Variants in PCBP3 observed in about 807,000 individuals in gnomAD.
PCBP3 encodes poly(rC)-binding protein 3.
In PCBP3, 25 loss-of-function variants were observed where a neutral mutation model predicts 52.7. That is an observed-to-expected ratio of 0.47 (90% CI 0.35 to 0.66). The LOEUF is 0.66. Ranked by LOEUF, PCBP3 falls within the 30% of genes least tolerant of loss-of-function variation. The probability of loss-of-function intolerance (pLI) is 0.01; values close to 1 mark genes in which losing one functional copy is unlikely to be tolerated. For synonymous variants in PCBP3, 162 were observed against 183.0 expected (o/e 0.89, Z 0.93); for missense variants, 391 against 490.3 (o/e 0.80, Z 1.91).
At chr21:45,771,623 T>G (rs945306945) in intron 4 of PCBP3, among the ~76,000 whole-genome samples, 1 of 152,140 alleles carries the variant, frequency 6.6e-6, no homozygotes, top group African/African-American at 2.4e-5. Flanking sequence ...CTCAGATGCA[T>G]GGTATTTATG....
chr21:45,722,006 C>A (rs2084681120), intron 2 of PCBP3, among the ~76,000 whole-genome samples: 1 of 152,130 alleles, frequency 6.6e-6, no homozygotes, highest in Non-Finnish European at 1.5e-5. Context: ...GTTCTTACGG[C>A]TTTATCTTCA....
At chr21:45,874,937 G>T (rs1383352365) in intron 5 of PCBP3, among the ~76,000 whole-genome samples, 2 of 152,182 alleles carry the variant, frequency 1.3e-5, no homozygotes, top group Non-Finnish European at 2.9e-5. Context: ...GAGCATGCAG[G>T]TCCCAAACCG....
rs1402864097 is a variant in PCBP3, at chr21:45,827,818, C to T, written c.-125-22143C>T. 1 of 152,210 alleles carries T rather than the reference C, an allele frequency of 6.6e-6. No individual in the cohort carries two copies. Among genetic ancestry groups the T allele is most frequent in the African/African-American group, 2.4e-5 (1 of 41,432 alleles). 9.4% of individuals were successfully genotyped at this position (152,210 alleles called of 1,614,324 possible). On this transcript the variant is annotated intron_variant, in intron 4 of 17. Transcript: ENST00000681687. The surrounding 1 kb of genome is among the most constrained non-coding windows in gnomAD (Gnocchi z 4.3). ...GGAGGAGTTGCCAGATTCATACCAA[C>T]AGGAGAAAGAAAATTTGGAACTAAC...
At chr21:45,824,039 G>A (rs940489026) in intron 4 of PCBP3, among the ~76,000 whole-genome samples, 2 of 152,172 alleles carry the variant, frequency 1.3e-5, no homozygotes, top group Non-Finnish European at 2.9e-5. Flanking sequence ...ACTAGGCTCG[G>A]CCTGTTTGTT....
chr21:45,854,406 C>T (rs1011051865), intron 5 of PCBP3, among the ~76,000 whole-genome samples: 1 of 152,164 alleles, frequency 6.6e-6, no homozygotes, highest in Non-Finnish European at 1.5e-5. Flanking sequence ...GAATCTCTGT[C>T]CCCATTAAAC....
In PCBP3 at chr21:45,881,942, A is replaced by G. The variant is rs538185829; in HGVS notation, c.11-14266A>G. On this transcript the variant is annotated intron_variant, in intron 5 of 17. Transcript: ENST00000681687. ...ATTTTCTTTATCCGTTCGTCTCTCT[A>G]TGAACACTTAGGCTGATTCCACCAT... 3.3e-5 allele frequency among the ~76,000 whole-genome samples: 5 copies of G among 152,258 alleles called. No homozygotes were observed. In the South Asian group the frequency reaches 8.3e-4, roughly 25 times the overall value.
At chr21:45,835,954 G>T (rs1037892278) in intron 4 of PCBP3, among the ~76,000 whole-genome samples, 1 of 152,174 alleles carries the variant, frequency 6.6e-6, no homozygotes, top group Non-Finnish European at 1.5e-5. Flanking sequence ...GTGGCCGCAG[G>T]CATGGTAACC....
rs2083347417 is a variant in PCBP3, at chr21:45,704,841, C to T, written c.-199-30551C>T. Among the ~76,000 whole-genome samples, 1 of 152,086 alleles carries T rather than the reference C, an allele frequency of 6.6e-6. No individual in the cohort carries two copies. Among genetic ancestry groups the T allele is most frequent in the African/African-American group, 2.4e-5 (1 of 41,358 alleles). On this transcript the variant is annotated intron_variant, in intron 2 of 17. Coordinates refer to ENST00000681687, the MANE Select transcript of PCBP3 (RefSeq NM_001384156.1). This position sits in a 1 kb window ranked among gnomAD's most constrained non-coding sequence, Gnocchi z 4.1. ...ACCTAGAGAGTGATGTGATACAGTG[C>T]AGGTAGACGACACAGGGCGCTGCTG...
intron 12 of PCBP3, 37 bp downstream of exon 12, chr21:45,914,062 C>T (rs780970417): frequency 1.2e-6 from 2 of 1,612,522 alleles, no homozygotes; most frequent in South Asian, 1.1e-5. Flanking sequence ...CACTGCCAAC[C>T]TCAGCCTTTT....
chr21:45,840,456 CA>C (rs36059363), intron 4 of PCBP3, among the ~76,000 whole-genome samples: 31,582 of 88,202 alleles, frequency 0.36, 3,493 homozygotes, highest in East Asian at 0.58. Context: ...GACCCTGTCT[CA>C]AAAAAAAAAA....
At chr21:45,897,057 C>T (rs948425092) in intron 6 of PCBP3, among the ~76,000 whole-genome samples, 3 of 152,242 alleles carry the variant, frequency 2.0e-5, no homozygotes, top group South Asian at 2.1e-4. Flanking sequence ...GGACATGGCA[C>T]GCAGAACCTG....
At chr21:45,654,649 A>G (rs1244446017) in intron 1 of PCBP3, among the ~76,000 whole-genome samples, 1 of 152,160 alleles carries the variant, frequency 6.6e-6, no homozygotes, top group Non-Finnish European at 1.5e-5. Flanking sequence ...AACATTACAT[A>G]TTTTTTAATC....
At chr21:45,710,723 G>T (rs1255657496) in intron 2 of PCBP3, among the ~76,000 whole-genome samples, 1 of 152,202 alleles carries the variant, frequency 6.6e-6, no homozygotes, top group Non-Finnish European at 1.5e-5. Context: ...CACTTAAAGG[G>T]TGGAGAGTTG....
chr21:45,930,694 C>T (rs2076067276), intron 14 of PCBP3, 92 bp from the exon 15 acceptor site: 6 of 670,558 alleles, frequency 8.9e-6, no homozygotes, highest in South Asian at 3.4e-5. Context: ...CCGGTGCGTG[C>T]GCCAGTCATA....
rs771222236 is a variant in PCBP3 at position 45,830,408 on chromosome 21, C to T, written c.-125-19553C>T. 6.5e-6 allele frequency: 1 copy of T among 152,868 alleles called. No homozygotes were observed. The highest frequency in any genetic ancestry group is 1.5e-5 in the Non-Finnish European group (1 of 68,136). 9.5% of individuals were successfully genotyped at this position (152,868 alleles called of 1,614,324 possible). On this transcript the variant is annotated intron_variant, in intron 4 of 17. Coordinates refer to ENST00000681687, the MANE Select transcript of PCBP3 (RefSeq NM_001384156.1). This position sits in a 1 kb window ranked among gnomAD's most constrained non-coding sequence, Gnocchi z 4.4. Reference sequence around the variant, plus strand: ...CCTTTCAGAGGCCTCTATAATGCGCCGAGCAGTTGTGTCACTGAACGTGAA... The same window carrying T: ...CCTTTCAGAGGCCTCTATAATGCGCTGAGCAGTTGTGTCACTGAACGTGAA...
intron 4 of PCBP3, among the ~76,000 whole-genome samples, chr21:45,816,956 T>C (rs899656940): frequency 1.3e-5 from 2 of 152,066 alleles, no homozygotes; most frequent in African/African-American, 4.8e-5. Context: ...GCTGCACTCC[T>C]TCCTAAGGAG....
At chr21:45,653,951 A>G (rs2079849055) in intron 1 of PCBP3, among the ~76,000 whole-genome samples, 1 of 152,132 alleles carries the variant, frequency 6.6e-6, no homozygotes. Context: ...TATCCAGATA[A>G]TGTAGTTATA....
chr21:45,875,342 G>A (rs2095221280), intron 5 of PCBP3, among the ~76,000 whole-genome samples: 1 of 152,210 alleles, frequency 6.6e-6, no homozygotes, highest in Non-Finnish European at 1.5e-5. Flanking sequence ...GCTGTTCCAG[G>A]TTGCCACATC....
intron 14 of PCBP3, among the ~76,000 whole-genome samples, chr21:45,930,205 T>G (rs1206387078): frequency 6.6e-6 from 1 of 152,162 alleles, no homozygotes; most frequent in African/African-American, 2.4e-5. Context: ...TGTTGGGGGC[T>G]GGTTCACCTT....
Sources: gnomAD v4.1 joint callset for allele counts (sites outside exome capture counted in the v4.1 genomes callset) on GRCh38, gnomAD v4.1.1 for gene constraint, Gnocchi (gnomAD v3.1) non-coding constraint, MANE v1.5 for transcripts, NCBI Gene and HGNC (gene_info 2026-07-23, HGNC 2026-07-21) for gene names.